GPHN: variants seen among roughly 807,000 people sequenced by gnomAD.
The protein encoded by GPHN is gephyrin.
In GPHN, 17 loss-of-function variants were observed where a neutral mutation model predicts 95.5. That is an observed-to-expected ratio of 0.18 (90% CI 0.12 to 0.27). The LOEUF is 0.27. Ranked by LOEUF, GPHN falls within the 10% of genes least tolerant of loss-of-function variation. The probability of loss-of-function intolerance (pLI) is 1.00; values close to 1 mark genes in which losing one functional copy is unlikely to be tolerated. For missense variants in GPHN, 660 were observed against 978.1 expected (o/e 0.67, Z 4.34); for synonymous variants, 320 against 322.5 (o/e 0.99, Z 0.08).
At chr14:67,469,043 T>G in the GPHN span, among the ~76,000 whole-genome samples, 1 of 152,210 alleles carries the variant, frequency 6.6e-6, no homozygotes. Flanking sequence ...TAAAATCTTG[T>G]TCTGAGAGAA....
chr14:67,552,766 C>CAAA, the GPHN span, among the ~76,000 whole-genome samples: 94 of 141,512 alleles, frequency 6.6e-4, 1 homozygote, highest in Middle Eastern at 3.6e-3. Context: ...GACTCTGTCT[C>CAAA]AAAAAAAAAA....
At chr14:67,208,094 C>T in the GPHN span, 1 of 1,461,350 alleles carries the variant, frequency 6.8e-7, no homozygotes, top group South Asian at 1.4e-5. Flanking sequence ...CTCACGGGTG[C>T]TCAGTGACGA....
the GPHN span, among the ~76,000 whole-genome samples, chr14:67,210,944 G>T: frequency 1.3e-5 from 2 of 152,094 alleles, no homozygotes; most frequent in Non-Finnish European, 2.9e-5. Context: ...AGGTTGCAGT[G>T]AGCTGAGATT....
intron 1 of GPHN, among the ~76,000 whole-genome samples, chr14:66,516,645 C>G (rs1176769247): frequency 6.6e-6 from 1 of 152,142 alleles, no homozygotes; most frequent in African/African-American, 2.4e-5. Context: ...CTAAATGTGT[C>G]TGCCTGATGC....
In GPHN at chr14:66,836,889, A is replaced by G. The variant is rs1255566197; in HGVS notation, c.294+12323A>G. On this transcript the variant is annotated intron_variant, in intron 4 of 22. Coordinates refer to ENST00000478722, the MANE Select transcript of GPHN (RefSeq NM_020806.5). Reference sequence around the variant, plus strand: ...CAGAGAAATGCAAATCAAAACCACAATGAGATACCATCTCACACCAGTTAG... The same window carrying G: ...CAGAGAAATGCAAATCAAAACCACAGTGAGATACCATCTCACACCAGTTAG... 9.4e-3 allele frequency among the ~76,000 whole-genome samples: 1,419 copies of G among 151,438 alleles called. 37 individuals are homozygous for G. Among genetic ancestry groups the G allele is most frequent in the African/African-American group, 0.033 (1,340 of 41,180 alleles).
chr14:66,768,031 A>G (rs2059026806), intron 2 of GPHN, among the ~76,000 whole-genome samples: 1 of 152,020 alleles, frequency 6.6e-6, no homozygotes, highest in Admixed American at 6.6e-5. Flanking sequence ...ATATGGATCT[A>G]TTTGAAGAAT....
intron 8 of GPHN, among the ~76,000 whole-genome samples, chr14:66,930,810 C>T (rs1335837228): frequency 6.6e-6 from 1 of 152,158 alleles, no homozygotes; most frequent in Non-Finnish European, 1.5e-5. Flanking sequence ...CAGGCATGAG[C>T]TACCATGCCT....
chr14:66,645,364 C>T (rs975322926), intron 1 of GPHN, among the ~76,000 whole-genome samples: 1 of 152,084 alleles, frequency 6.6e-6, no homozygotes, highest in Non-Finnish European at 1.5e-5. Flanking sequence ...AACAACATCT[C>T]AGCCTGTCTC....
intron 5 of GPHN, among the ~76,000 whole-genome samples, chr14:66,908,286 A>C (rs965039004): frequency 1.3e-5 from 2 of 151,972 alleles, no homozygotes; most frequent in Non-Finnish European, 2.9e-5. Flanking sequence ...AAAACAAACT[A>C]CAACAAAACA....
At chr14:67,246,842 G>A in the GPHN span, among the ~76,000 whole-genome samples, 58 of 152,116 alleles carry the variant, frequency 3.8e-4, no homozygotes, top group African/African-American at 1.3e-3. Context: ...AGTAGAGGCG[G>A]GGTTTCACCG....
At chr14:66,779,118 C>G (rs996303237) in intron 3 of GPHN, among the ~76,000 whole-genome samples, 5 of 152,066 alleles carry the variant, frequency 3.3e-5, no homozygotes, top group African/African-American at 9.7e-5. Context: ...GCCCATTGAT[C>G]TATTATATGA....
chr14:67,732,536 C>A, the GPHN span, among the ~76,000 whole-genome samples: 336 of 129,764 alleles, frequency 2.6e-3, no homozygotes, highest in South Asian at 4.9e-3. Flanking sequence ...CCAAACAAAG[C>A]AAAAAAAAAA....
At chr14:67,692,616 G>A in the GPHN span, 3 of 1,529,726 alleles carry the variant, frequency 2.0e-6, no homozygotes, top group Admixed American at 2.3e-5. Context: ...ATATGAAAGA[G>A]AAATGGTCAG....
the GPHN span, among the ~76,000 whole-genome samples, chr14:67,694,516 A>ATT: frequency 2.2e-5 from 3 of 138,490 alleles, no homozygotes; most frequent in Non-Finnish European, 1.5e-5. Context: ...ACACACATAT[A>ATT]TTTTTTTTTT....
In GPHN at chr14:66,922,743, G is replaced by A. The variant is rs374430257; in HGVS notation, c.534G>A (p.Glu178=). Reference sequence around the variant, plus strand: ...GTGATGCCATTGTAAAAGTAAAGGAGGTGCATGATGAACTTGAAGATTTGC... The same window carrying A: ...GTGATGCCATTGTAAAAGTAAAGGAAGTGCATGATGAACTTGAAGATTTGC... The part of the protein sequence containing the change: ...LLRDAIVKVK[E]VHDELEDLPS... The change falls in exon 7 of 23, where the codon GAG becomes GAA. Residue 178 remains glutamate, a synonymous_variant. Transcript: ENST00000478722. 6 of 1,613,308 alleles carry A rather than the reference G, an allele frequency of 3.7e-6. No individual in the cohort carries two copies. Among genetic ancestry groups the A allele is most frequent in the South Asian group, 1.1e-5 (1 of 91,066 alleles).
the GPHN span, chr14:67,303,598 TAGTA>T: frequency 6.2e-7 from 1 of 1,609,276 alleles, no homozygotes; most frequent in Non-Finnish European, 8.5e-7. Context: ...AAGGAAACAG[TAGTA>T]AGTGATTTTT....
At chr14:67,584,861 T>C in the GPHN span, among the ~76,000 whole-genome samples, 161 of 152,342 alleles carry the variant, frequency 1.1e-3, 1 homozygote, top group African/African-American at 3.8e-3. Flanking sequence ...CCATCACAAA[T>C]GCTATGAAGA....
At chr14:66,892,043 A>G (rs779136848) in intron 5 of GPHN, among the ~76,000 whole-genome samples, 20 of 152,192 alleles carry the variant, frequency 1.3e-4, no homozygotes, top group Non-Finnish European at 2.5e-4. Flanking sequence ...TGCAACTGCT[A>G]TGGGAAACTA....
At chr14:67,337,102 GT>G in the GPHN span, among the ~76,000 whole-genome samples, 6 of 152,170 alleles carry the variant, frequency 3.9e-5, no homozygotes, top group Non-Finnish European at 1.5e-5. Context: ...GCCTCTTATG[GT>G]TGTTGTAATG....
Sources: gnomAD v4.1 joint callset for allele counts (sites outside exome capture counted in the v4.1 genomes callset) on GRCh38, gnomAD v4.1.1 for gene constraint, MANE v1.5 for transcripts, NCBI Gene and HGNC (gene_info 2026-07-23, HGNC 2026-07-21) for gene names.